Variants in ERGIC2 observed in about 807,000 individuals in gnomAD.
The protein encoded by ERGIC2 is ERGIC and golgi 2.
A neutral mutation model predicts 52.5 loss-of-function variants in ERGIC2; 31 were observed. The ratio of observed to expected loss-of-function variants is 0.59; its 90% confidence interval spans 0.44 to 0.80. ERGIC2 has a LOEUF of 0.80. Ranked by LOEUF, ERGIC2 falls within the 30% of genes least tolerant of loss-of-function variation. The pLI, the probability that ERGIC2 is intolerant of heterozygous loss-of-function variation, is 0.00. For missense variants in ERGIC2, 395 were observed against 455.2 expected (o/e 0.87, Z 1.20); for synonymous variants, 129 against 140.6 (o/e 0.92, Z 0.58).
chr12:29,373,749 T>C (rs986209660), intron 1 of ERGIC2, among the ~76,000 whole-genome samples: 1 of 152,120 alleles, frequency 6.6e-6, no homozygotes, highest in African/African-American at 2.4e-5. Flanking sequence ...ATGATTTTTT[T>C]CCCATGCACT....
At chr12:29,352,569 C>A (rs910229373) in intron 8 of ERGIC2, among the ~76,000 whole-genome samples, 17 of 152,222 alleles carry the variant, frequency 1.1e-4, no homozygotes, top group African/African-American at 4.1e-4. Context: ...GAGGCTGAGG[C>A]AGGAGAATCA....
chr12:29,343,340 G>T, intron 11 of ERGIC2, 58 bp from the exon 12 acceptor site: 1 of 1,394,030 alleles, frequency 7.2e-7, no homozygotes. Context: ...CAGAATTCAT[G>T]TCATCTGGTT....
rs1949835752 is a variant in ERGIC2, at chr12:29,341,025, T to A, written c.*131A>T. The stretch of plus-strand genomic sequence containing the variant: ...GTTTGGGTTTTTTTATCCTTTTTTT[T>A]CTTTTTTAAAATAAGTATGTTTTCT... On this transcript the variant is annotated 3_prime_UTR_variant, in exon 14 of 14. Coordinates refer to ENST00000360150, the MANE Select transcript of ERGIC2 (RefSeq NM_016570.3). 1.4e-6 allele frequency: 1 copy of A among 719,872 alleles called. No individual in the cohort carries two copies. The highest frequency in any genetic ancestry group is 2.4e-6 in the Non-Finnish European group (1 of 425,518). The allele number at this position is 719,872 out of a possible 1,614,324, so 44.6% of individuals were successfully genotyped here.
intron 2 of ERGIC2, 142 bp from the exon 3 acceptor site, chr12:29,370,364 T>C (rs1189138071): frequency 2.1e-6 from 2 of 948,582 alleles, no homozygotes; most frequent in Non-Finnish European, 2.9e-6. Flanking sequence ...CTATAGAAGG[T>C]TTTTATTCAA....
chr12:29,356,656 T>C (rs1940210275), intron 7 of ERGIC2, among the ~76,000 whole-genome samples, 179 bp from the exon 8 acceptor site: 1 of 152,142 alleles, frequency 6.6e-6, no homozygotes, highest in South Asian at 2.1e-4. Context: ...ATCTATAAAA[T>C]GGGAAAAAAG....
At chr12:29,347,996 G>GTA (rs1940081552) in intron 10 of ERGIC2, among the ~76,000 whole-genome samples, 1 of 152,158 alleles carries the variant, frequency 6.6e-6, no homozygotes, top group Non-Finnish European at 1.5e-5. Flanking sequence ...GCATCGACCA[G>GTA]TATGTTTCCA....
Position 29,340,992 on chromosome 12 carries a change from G to T in ERGIC2, c.*164C>A. The T allele has an allele frequency of 1.6e-6, 1 of 634,438 alleles. No homozygotes were observed. The allele number at this position is 634,438 out of a possible 1,614,324, so 39.3% of individuals were successfully genotyped here. A position where few individuals can be genotyped will look rare whatever the true frequency, so the allele number is the denominator to read the frequency against. ...ATTTGTAACAGACACAACGTATATA[G>T]AATTTCAGTTTGGGTTTTTTTATCC... On this transcript the variant is annotated 3_prime_UTR_variant, in exon 14 of 14. Transcript: ENST00000360150.
intron 6 of ERGIC2, 84 bp downstream of exon 6, chr12:29,361,556 TAGAGA>T (rs1940287038): frequency 1.1e-6 from 1 of 927,016 alleles, no homozygotes; most frequent in South Asian, 2.2e-5. Context: ...AAGAAATCCC[TAGAGA>T]AATGTGTTAA....
At chr12:29,365,186 C>T (rs577359264) in intron 5 of ERGIC2, among the ~76,000 whole-genome samples, 22 of 151,890 alleles carry the variant, frequency 1.4e-4, no homozygotes, top group Non-Finnish European at 1.3e-4. Context: ...TTCACAATAG[C>T]GAATACATGG....
Position 29,341,192 on chromosome 12 carries a change from G to C in ERGIC2, c.1098C>G (p.Asp366Glu). The change falls in exon 14 of 14, where the codon GAC becomes GAG. Residue 366 changes from aspartate (D) to glutamate (E), a missense_variant. By Grantham distance (45) the Asp-to-Glu change is conservative (BLOSUM62 2). Transcript: ENST00000360150. Reference sequence around the variant, plus strand: ...TATTTTCTAAAAGAGGTAAGTGGTTGTCTGTGTGGCCATCCTCAAAAGGAA... The same window carrying C: ...TATTTTCTAAAAGAGGTAAGTGGTTCTCTGTGTGGCCATCCTCAAAAGGAA... ...NSVPFEDGHT[D>E]NHLPLLENNT... The C allele has an allele frequency of 6.8e-6, 11 of 1,609,826 alleles. No homozygotes were observed. The highest frequency in any genetic ancestry group is 9.3e-6 in the Non-Finnish European group (11 of 1,177,584).
rs1252752744 is a variant in ERGIC2, at chr12:29,338,380, C to T, written c.*2776G>A. On this transcript the variant is annotated 3_prime_UTR_variant, in exon 14 of 14. Coordinates refer to ENST00000360150, the MANE Select transcript of ERGIC2 (RefSeq NM_016570.3). ...AATTTGGGTGCCAGGTGCAGTGGCT[C>T]GTGCCTATAATTCCAGCAATGCAGG... is the stretch of plus-strand genomic sequence containing the variant. 1 of 152,002 alleles carries T rather than the reference C, an allele frequency of 6.6e-6. No homozygotes were observed. The highest frequency in any genetic ancestry group is 1.5e-5 in the Non-Finnish European group (1 of 68,012). The allele number at this position is 152,002 out of a possible 1,614,324, so 9.4% of individuals were successfully genotyped here. A position where few individuals can be genotyped will look rare whatever the true frequency, so the allele number is the denominator to read the frequency against.
intron 1 of ERGIC2, among the ~76,000 whole-genome samples, chr12:29,373,966 C>T (rs1940479349): frequency 6.6e-6 from 1 of 152,126 alleles, no homozygotes; most frequent in Non-Finnish European, 1.5e-5. Context: ...CAAAAACTGA[C>T]CCTTTTTCAA....
At chr12:29,355,015 A>G (rs1940182840) in intron 8 of ERGIC2, among the ~76,000 whole-genome samples, 1 of 152,196 alleles carries the variant, frequency 6.6e-6, no homozygotes, top group Non-Finnish European at 1.5e-5. Context: ...TATTGTAAAT[A>G]CTGAAATACT....
chr12:29,368,342 G>C (rs1262601490), intron 3 of ERGIC2, 55 bp from the exon 4 acceptor site: 3 of 927,970 alleles, frequency 3.2e-6, no homozygotes, highest in South Asian at 1.4e-5. Flanking sequence ...CAAAACATGA[G>C]AAATATAAAT....
intron 11 of ERGIC2, among the ~76,000 whole-genome samples, chr12:29,345,200 T>C (rs1376430919): frequency 2.0e-5 from 3 of 152,228 alleles, no homozygotes; most frequent in Admixed American, 6.5e-5. Context: ...TTTTAAGTCT[T>C]AATGCAATAG....
At chr12:29,356,551 GAA>G in intron 7 of ERGIC2, 74 bp from the exon 8 acceptor site, 1 of 717,110 alleles carries the variant, frequency 1.4e-6, no homozygotes, top group East Asian at 2.9e-5. Context: ...AATGTGTATA[GAA>G]AAAAAAATCC....
chr12:29,360,561 T>C (rs1037634850), intron 6 of ERGIC2, among the ~76,000 whole-genome samples: 3 of 147,758 alleles, frequency 2.0e-5, no homozygotes, highest in African/African-American at 7.3e-5. Flanking sequence ...ATTATAAATA[T>C]ATAATATACT....
At chr12:29,346,343 A>C (rs1162631191) in intron 10 of ERGIC2, among the ~76,000 whole-genome samples, 1 of 151,584 alleles carries the variant, frequency 6.6e-6, no homozygotes, top group African/African-American at 2.4e-5. Flanking sequence ...GCACGCCACC[A>C]AGCCCAACTA....
intron 10 of ERGIC2, among the ~76,000 whole-genome samples, chr12:29,348,222 A>T (rs1424192104): frequency 1.3e-5 from 2 of 152,142 alleles, no homozygotes; most frequent in Non-Finnish European, 2.9e-5. Flanking sequence ...AATTCTAAAC[A>T]TCTTTAATAT....
Sources: gnomAD v4.1 joint callset for allele counts (sites outside exome capture counted in the v4.1 genomes callset) on GRCh38, gnomAD v4.1.1 for gene constraint, MANE v1.5 for transcripts, NCBI Gene and HGNC (gene_info 2026-07-23, HGNC 2026-07-21) for gene names.